Variants in SULT1E1 observed in about 807,000 individuals in gnomAD.
The protein encoded by SULT1E1 is sulfotransferase family 1E member 1, also known as sulfotransferase 1E1.
SULT1E1 carries 36 observed loss-of-function variants against 33.6 expected under a neutral mutation model. The ratio of observed to expected loss-of-function variants is 1.07; its 90% confidence interval spans 0.82 to 1.41. SULT1E1 has a LOEUF of 1.41. Among genes scored for constraint, SULT1E1 ranks in the 40% most tolerant of loss-of-function variants. The pLI is 0.00. For synonymous variants in SULT1E1, 121 were observed against 111.7 expected (o/e 1.08, Z -0.53); for missense variants, 371 against 345.7 (o/e 1.07, Z -0.58).
At chr4:69,825,145 C>A in the SULT1E1 span, among the ~76,000 whole-genome samples, 2 of 152,094 alleles carry the variant, frequency 1.3e-5, no homozygotes, top group Non-Finnish European at 2.9e-5. Context: ...AGACCATGAA[C>A]CCACCAGGAG....
intron 6 of SULT1E1, among the ~76,000 whole-genome samples, chr4:69,845,299 T>C (rs1464865917): frequency 6.6e-6 from 1 of 151,866 alleles, no homozygotes; most frequent in African/African-American, 2.4e-5. Context: ...CATTGGAATG[T>C]TTGTAACATG....
downstream of SULT1E1, among the ~76,000 whole-genome samples, chr4:69,837,405 T>C (rs1720812513): frequency 6.6e-6 from 1 of 152,004 alleles, no homozygotes; most frequent in Non-Finnish European, 1.5e-5. Flanking sequence ...TATTTGGCTT[T>C]TTCCCTGAAA....
rs147610440 is a variant in SULT1E1 at position 69,858,285 on chromosome 4, C to T, written c.-9-632G>A. On this transcript the variant is annotated intron_variant, in intron 1 of 7. Coordinates refer to ENST00000226444, the MANE Select transcript of SULT1E1 (RefSeq NM_005420.3). ...CTTTAAAATTACTTTTTTCCCCATT[C>T]GATCAATAAGGTAGTGGATACTCCC... Among the ~76,000 whole-genome samples, 15 of 152,048 alleles carry T rather than the reference C, an allele frequency of 9.9e-5. No homozygotes were observed. The South Asian group carries it at 1.2e-3, about 13-fold the overall frequency.
downstream of SULT1E1, among the ~76,000 whole-genome samples, chr4:69,837,011 A>G (rs1720807427): frequency 1.3e-5 from 2 of 152,074 alleles, no homozygotes; most frequent in Admixed American, 1.3e-4. Context: ...TAAGCCCAGG[A>G]GTTTGAGGCT....
intron 3 of SULT1E1, among the ~76,000 whole-genome samples, chr4:69,854,597 CATA>C (rs1258486312): frequency 7.3e-5 from 11 of 151,706 alleles, no homozygotes; most frequent in East Asian, 1.9e-4. Context: ...ATATTGTGTT[CATA>C]ATAATACTTA....
At chr4:69,826,797 T>A in the SULT1E1 span, among the ~76,000 whole-genome samples, 3 of 152,130 alleles carry the variant, frequency 2.0e-5, no homozygotes, top group African/African-American at 7.2e-5. Context: ...TGGAGCAAAA[T>A]ACCTTATGTC....
chr4:69,842,232 C>T, intron 7 of SULT1E1, 126 bp from the exon 8 acceptor site: 1 of 608,344 alleles, frequency 1.6e-6, no homozygotes, highest in Admixed American at 3.4e-5. Context: ...TTTTAAGAAT[C>T]AAATGTATAC....
chr4:69,826,051 C>T, the SULT1E1 span, among the ~76,000 whole-genome samples: 6 of 152,226 alleles, frequency 3.9e-5, no homozygotes, highest in African/African-American at 1.4e-4. Flanking sequence ...TTTAGGGTCC[C>T]TCCTCAGACA....
At chr4:69,851,420 T>C (rs1474640510) in intron 4 of SULT1E1, among the ~76,000 whole-genome samples, 1 of 152,072 alleles carries the variant, frequency 6.6e-6, no homozygotes, top group South Asian at 2.1e-4. Context: ...AAAACCATAA[T>C]GAGATACCGT....
intron 6 of SULT1E1, 49 bp from the exon 7 acceptor site, chr4:69,844,390 T>A: frequency 7.2e-7 from 1 of 1,397,410 alleles, no homozygotes; most frequent in South Asian, 1.3e-5. Flanking sequence ...ACTGAATAAA[T>A]CACTATCTAA....
intron 1 of SULT1E1, among the ~76,000 whole-genome samples, chr4:69,859,141 T>C (rs1017361141): frequency 6.6e-6 from 1 of 152,170 alleles, no homozygotes; most frequent in Non-Finnish European, 1.5e-5. Context: ...TCTGAGTATG[T>C]AGGTCAGTTG....
chr4:69,852,752 C>T (rs1212559794), intron 4 of SULT1E1, among the ~76,000 whole-genome samples: 2 of 152,108 alleles, frequency 1.3e-5, no homozygotes, highest in Non-Finnish European at 2.9e-5. Context: ...ACATGAATCC[C>T]TCCAACTATC....
chr4:69,844,404 A>G (rs1720936006), intron 6 of SULT1E1, 63 bp from the exon 7 acceptor site: 2 of 1,284,934 alleles, frequency 1.6e-6, no homozygotes, highest in Non-Finnish European at 2.1e-6. Context: ...TATCTAAATG[A>G]AAGAGAAAAA....
the SULT1E1 span, among the ~76,000 whole-genome samples, chr4:69,831,695 G>A: frequency 6.6e-6 from 1 of 151,980 alleles, no homozygotes; most frequent in Non-Finnish European, 1.5e-5. Context: ...TTTCTTTTCT[G>A]ACCGACCAGA....
chr4:69,853,499 A>G (rs1721168350), intron 4 of SULT1E1, among the ~76,000 whole-genome samples: 1 of 152,108 alleles, frequency 6.6e-6, no homozygotes, highest in Non-Finnish European at 1.5e-5. Context: ...CCCTCAGATC[A>G]TCTCTGAATT....
chr4:69,860,091 C>T lies in SULT1E1; in HGVS notation c.-52G>A, dbSNP rs1560559390. 1 of 152,022 alleles carries T rather than the reference C, an allele frequency of 6.6e-6. No homozygotes were observed. The highest frequency in any genetic ancestry group is 2.4e-5 in the African/African-American group (1 of 41,400). 9.4% of individuals were successfully genotyped at this position (152,022 alleles called of 1,614,324 possible). On this transcript the variant is annotated 5_prime_UTR_variant, in exon 1 of 8. Transcript: ENST00000226444. Reference sequence around the variant, plus strand: ...TGAAAGAAATTGATCTAGTTTATATCTCTTCAAATACCAAGGCAGATCTTA... The same window carrying T: ...TGAAAGAAATTGATCTAGTTTATATTTCTTCAAATACCAAGGCAGATCTTA...
downstream of SULT1E1, among the ~76,000 whole-genome samples, chr4:69,837,383 C>A (rs989884432): frequency 4.0e-5 from 6 of 151,686 alleles, no homozygotes; most frequent in Non-Finnish European, 5.9e-5. Flanking sequence ...AATTATTATT[C>A]TTATTAAGGT....
chr4:69,845,663 T>G (rs986271621), intron 6 of SULT1E1, among the ~76,000 whole-genome samples: 1 of 151,418 alleles, frequency 6.6e-6, no homozygotes, highest in Non-Finnish European at 1.5e-5. Context: ...AATTTGTACA[T>G]TCTTAGCCTT....
downstream of SULT1E1, among the ~76,000 whole-genome samples, chr4:69,839,064 A>C (rs1379485106): frequency 1.3e-5 from 2 of 152,230 alleles, no homozygotes; most frequent in Non-Finnish European, 2.9e-5. Flanking sequence ...TTGAATTCTT[A>C]GGTATTTTAA....
Sources: gnomAD v4.1 joint callset for allele counts (sites outside exome capture counted in the v4.1 genomes callset) on GRCh38, gnomAD v4.1.1 for gene constraint, MANE v1.5 for transcripts, NCBI Gene and HGNC (gene_info 2026-07-23, HGNC 2026-07-21) for gene names.